VTI1A: variants seen among roughly 807,000 people sequenced by gnomAD.
The protein encoded by VTI1A is vesicle transport through interaction with t-SNAREs 1A.
VTI1A carries 22 observed loss-of-function variants against 34.9 expected under a neutral mutation model. That is an observed-to-expected ratio of 0.63 (90% CI 0.45 to 0.90). VTI1A has a LOEUF of 0.90. VTI1A is among the 40% of genes least tolerant of loss of function. The probability of loss-of-function intolerance (pLI) is 0.00; values close to 1 mark genes in which losing one functional copy is unlikely to be tolerated. For synonymous variants in VTI1A, 87 were observed against 97.3 expected (o/e 0.89, Z 0.62); for missense variants, 268 against 275.6 (o/e 0.97, Z 0.20).
intron 5 of VTI1A, among the ~76,000 whole-genome samples, chr10:112,631,746 G>A (rs1417455898): frequency 6.6e-6 from 1 of 152,160 alleles, no homozygotes; most frequent in Non-Finnish European, 1.5e-5. Flanking sequence ...GAGTTCCGCA[G>A]GAAGCTCTGG....
chr10:112,758,481 G>C (rs913759852), intron 7 of VTI1A, among the ~76,000 whole-genome samples: 3 of 152,172 alleles, frequency 2.0e-5, no homozygotes, highest in Non-Finnish European at 4.4e-5. Context: ...CGTGGCACAG[G>C]GTTCAGGAAT....
intron 7 of VTI1A, among the ~76,000 whole-genome samples, chr10:112,811,834 C>A (rs763756019): frequency 6.6e-6 from 1 of 152,126 alleles, no homozygotes; most frequent in Non-Finnish European, 1.5e-5. Context: ...GGTGCAGTGC[C>A]GCGCCTGTCC....
chr10:112,846,776 AAAAAAAG>A, the VTI1A span, among the ~76,000 whole-genome samples: 1 of 151,820 alleles, frequency 6.6e-6, no homozygotes, highest in African/African-American at 2.4e-5. Flanking sequence ...AAAAAAAAAA[AAAAAAAG>A]AAAAAAGAAA....
intron 3 of VTI1A, among the ~76,000 whole-genome samples, chr10:112,470,580 T>C (rs935918319): frequency 1.3e-5 from 2 of 152,196 alleles, no homozygotes; most frequent in Non-Finnish European, 2.9e-5. Context: ...AAGCTTCCTC[T>C]GTTACCTTTA....
chr10:112,780,227 C>T (rs189564273), intron 7 of VTI1A, among the ~76,000 whole-genome samples: 31 of 150,868 alleles, frequency 2.1e-4, no homozygotes, highest in Non-Finnish European at 3.8e-4. Context: ...GCTATGATCA[C>T]ACTGCTGCAC....
intron 5 of VTI1A, among the ~76,000 whole-genome samples, chr10:112,597,880 G>A (rs1844724139): frequency 6.6e-6 from 1 of 151,116 alleles, no homozygotes; most frequent in Non-Finnish European, 1.5e-5. Flanking sequence ...TGTATTTTTA[G>A]TAGAGGCGGG....
At chr10:112,581,045 A>G (rs979041266) in intron 5 of VTI1A, among the ~76,000 whole-genome samples, 3 of 152,148 alleles carry the variant, frequency 2.0e-5, no homozygotes, top group Non-Finnish European at 2.9e-5. Context: ...TGCACCCTGC[A>G]TAGTTCCTAG....
chr10:112,844,096 G>GA, the VTI1A span, among the ~76,000 whole-genome samples: 2 of 151,240 alleles, frequency 1.3e-5, no homozygotes, highest in African/African-American at 2.4e-5. Context: ...GATGTCATCT[G>GA]AAAAAAAAGG....
At chr10:112,590,668 C>T (rs141002843) in intron 5 of VTI1A, among the ~76,000 whole-genome samples, 21 of 151,756 alleles carry the variant, frequency 1.4e-4, no homozygotes, top group East Asian at 1.2e-3. Flanking sequence ...GGTGACAGAG[C>T]GAGACCCTGT....
chr10:112,794,607 C>T (rs1044111057), intron 7 of VTI1A, among the ~76,000 whole-genome samples: 6 of 152,004 alleles, frequency 3.9e-5, no homozygotes, highest in African/African-American at 9.7e-5. Context: ...ATGATCCCAA[C>T]GCCTAGACAC....
chr10:112,545,904 C>G (rs1329408705), intron 5 of VTI1A, among the ~76,000 whole-genome samples: 2 of 150,446 alleles, frequency 1.3e-5, no homozygotes, highest in Non-Finnish European at 3.0e-5. Context: ...AAAAATTTGA[C>G]CAGGGTGTGT....
rs74786657 is a variant in VTI1A, at chr10:112,767,859, C to G, written c.561-47431C>G. On this transcript the variant is annotated intron_variant, in intron 7 of 7. Coordinates refer to ENST00000393077, the MANE Select transcript of VTI1A (RefSeq NM_145206.4). The surrounding 1 kb of genome is among the most constrained non-coding windows in gnomAD (Gnocchi z 4.0). ...GGCCAAAATGTTCTGGGCCCTTCAC[C>G]TCTTCCTAGGACCAGTCTTGTCATC... Among the ~76,000 whole-genome samples the G allele has an allele frequency of 6.6e-6, 1 of 152,312 alleles. No individual in the cohort carries two copies. Among genetic ancestry groups the G allele is most frequent in the African/African-American group, 2.4e-5 (1 of 41,558 alleles).
chr10:112,572,346 A>T (rs1852156422), intron 5 of VTI1A, among the ~76,000 whole-genome samples: 1 of 152,194 alleles, frequency 6.6e-6, no homozygotes, highest in Non-Finnish European at 1.5e-5. Context: ...TGTTGATATT[A>T]TTCCTACATT....
intron 7 of VTI1A, among the ~76,000 whole-genome samples, chr10:112,794,509 G>A (rs1354788725): frequency 1.3e-5 from 2 of 151,964 alleles, no homozygotes; most frequent in Non-Finnish European, 2.9e-5. Context: ...CTATAATCAC[G>A]CTGTTGCACT....
At chr10:112,638,808 A>C (rs1458910775) in intron 5 of VTI1A, among the ~76,000 whole-genome samples, 2 of 150,814 alleles carry the variant, frequency 1.3e-5, no homozygotes, top group Non-Finnish European at 3.0e-5. Context: ...TAGTCCTAGC[A>C]AAACAGGTTG....
chr10:112,853,286 C>T, the VTI1A span, among the ~76,000 whole-genome samples: 5 of 152,226 alleles, frequency 3.3e-5, no homozygotes, highest in Non-Finnish European at 7.3e-5. Context: ...CATCCTTGTC[C>T]TTGCAAGACC....
At chr10:112,482,181 T>C (rs542164307) in intron 3 of VTI1A, among the ~76,000 whole-genome samples, 1 of 152,328 alleles carries the variant, frequency 6.6e-6, no homozygotes, top group South Asian at 2.1e-4. Flanking sequence ...AAATAATTGT[T>C]ATTTTCTCAG....
chr10:112,774,206 G>A (rs966055797), intron 7 of VTI1A, among the ~76,000 whole-genome samples: 1 of 152,238 alleles, frequency 6.6e-6, no homozygotes, highest in African/African-American at 2.4e-5. Flanking sequence ...GGGCACCAGA[G>A]AAGCAGTTCA....
chr10:112,736,927 G>A (rs926565612), intron 7 of VTI1A: 4 of 641,798 alleles, frequency 6.2e-6, no homozygotes, highest in African/African-American at 1.8e-5. Flanking sequence ...ACTTGGCAAG[G>A]ATGCTATCAA....
Sources: allele counts gnomAD v4.1 joint callset (sites outside exome capture counted in the v4.1 genomes callset), GRCh38; gene constraint gnomAD v4.1.1; non-coding constraint Gnocchi (gnomAD v3.1); transcripts MANE v1.5; gene names NCBI Gene and HGNC (gene_info 2026-07-23, HGNC 2026-07-21).